MLLT10: variants seen among roughly 807,000 people sequenced by gnomAD.
MLLT10 encodes MLLT10 histone lysine methyltransferase DOT1L cofactor.
A neutral mutation model predicts 129.1 loss-of-function variants in MLLT10; 30 were observed. The ratio of observed to expected loss-of-function variants is 0.23; its 90% CI spans 0.17 to 0.32. The LOEUF (loss-of-function observed/expected upper bound fraction) is 0.32, where lower values mean the gene tolerates loss of function less well. Among genes scored for constraint, MLLT10 ranks in the 10% least tolerant of loss-of-function variants. The pLI, the probability that MLLT10 is intolerant of heterozygous loss-of-function variation, is 1.00. For synonymous variants in MLLT10, 490 were observed against 446.4 expected (o/e 1.10, Z -1.23); for missense variants, 1,119 against 1,268.3 (o/e 0.88, Z 1.79).
At chr10:21,695,241 G>A (rs1043507612) in intron 13 of MLLT10, among the ~76,000 whole-genome samples, 1 of 151,898 alleles carries the variant, frequency 6.6e-6, no homozygotes, top group Non-Finnish European at 1.5e-5. Context: ...GTTTCGCCCT[G>A]TTGGCCAGGC....
intron 13 of MLLT10, among the ~76,000 whole-genome samples, chr10:21,683,181 A>T (rs1181627561): frequency 6.6e-6 from 1 of 152,172 alleles, no homozygotes; most frequent in Non-Finnish European, 1.5e-5. Context: ...GCAGGCATAG[A>T]CACTCTTGTT....
chr10:21,738,371 C>T, intron 21 of MLLT10: 1 of 1,278,528 alleles, frequency 7.8e-7, no homozygotes, highest in Non-Finnish European at 1.0e-6. Context: ...ATTTGGGTGT[C>T]TTCCTATTAA....
intron 8 of MLLT10, among the ~76,000 whole-genome samples, chr10:21,651,251 T>C (rs1423289556): frequency 6.6e-6 from 1 of 152,084 alleles, no homozygotes; most frequent in African/African-American, 2.4e-5. Context: ...TTTGTATTTT[T>C]AGTAGAGATG....
chr10:21,742,511 C>G lies in MLLT10; in HGVS notation c.*528C>G. ...CAAATATATAGCACATCACCTGGGA[C>G]TTGGCAATCTTTGTTAAAAAAAAAT... is the stretch of plus-strand genomic sequence containing the variant. On this transcript the variant is annotated 3_prime_UTR_variant, in exon 23 of 23. Transcript: ENST00000307729. 9.3e-6 allele frequency: 2 copies of G among 214,888 alleles called. No individual in the cohort carries two copies. Among genetic ancestry groups the G allele is most frequent in the Non-Finnish European group, 1.9e-5 (2 of 106,628 alleles). 13.3% of individuals were successfully genotyped at this position (214,888 alleles called of 1,614,324 possible). A position where few individuals can be genotyped will look rare whatever the true frequency, so the allele number is the denominator to read the frequency against.
intron 10 of MLLT10, among the ~76,000 whole-genome samples, chr10:21,671,344 A>G (rs769804624): frequency 2.6e-5 from 4 of 152,152 alleles, no homozygotes; most frequent in Non-Finnish European, 5.9e-5. Flanking sequence ...TTTTATTTAT[A>G]TTTCCTAAAC....
intron 9 of MLLT10, among the ~76,000 whole-genome samples, chr10:21,653,662 TC>T (rs1290384395): frequency 1.3e-5 from 2 of 152,156 alleles, no homozygotes; most frequent in African/African-American, 4.8e-5. Context: ...TTCACAGGTT[TC>T]AGGGATTAGA....
intron 8 of MLLT10, chr10:21,625,984 G>C (rs564158852): frequency 5.5e-6 from 5 of 915,400 alleles, no homozygotes; most frequent in Admixed American, 3.4e-5. Context: ...AGTACACACT[G>C]TTTGGTGGAG....
chr10:21,681,339 C>T lies in MLLT10; in HGVS notation c.1629C>T (p.Ser543=). The change falls in exon 12 of 23, where the codon TCC becomes TCT. Residue 543 remains serine, a synonymous_variant. Coordinates refer to ENST00000307729, the MANE Select transcript of MLLT10 (RefSeq NM_001195626.3). ...TTTCCTTCCTCTCAACAGAAATTTC[C>T]ATGCAGTATCGGCATGATGGAGCTT... is the stretch of plus-strand genomic sequence containing the variant. ...VGSSPVGSEI[S]MQYRHDGACP... 3 of 1,612,354 alleles carry T rather than the reference C, an allele frequency of 1.9e-6. No homozygotes were observed. The highest frequency in any genetic ancestry group is 2.5e-6 in the Non-Finnish European group (3 of 1,179,588).
rs193050559 is a variant in MLLT10 at position 21,632,626 on chromosome 10, G to C, written c.699+15419G>C. Among the ~76,000 whole-genome samples, 40 of 152,246 alleles carry C rather than the reference G, an allele frequency of 2.6e-4. 1 individual carries two copies. In the East Asian group the frequency reaches 6.7e-3, roughly 26 times the overall value. On this transcript the variant is annotated intron_variant, in intron 8 of 22. Coordinates refer to ENST00000307729, the MANE Select transcript of MLLT10 (RefSeq NM_001195626.3). ...AATCTGGAGAGTCACAATCAATATT[G>C]AACAGTTTGTTTAAAGTTTTGTATT...
At chr10:21,688,733 G>T (rs954708196) in intron 13 of MLLT10, among the ~76,000 whole-genome samples, 4 of 152,034 alleles carry the variant, frequency 2.6e-5, no homozygotes, top group Non-Finnish European at 4.4e-5. Flanking sequence ...TAGTTATTTG[G>T]ATTTGTCATA....
intron 3 of MLLT10, among the ~76,000 whole-genome samples, chr10:21,575,148 T>C (rs1438118491): frequency 6.6e-6 from 1 of 152,166 alleles, no homozygotes; most frequent in African/African-American, 2.4e-5. Context: ...CTTTACTCTT[T>C]TATATATAGG....
chr10:21,697,736 T>C (rs1251650635), intron 13 of MLLT10, among the ~76,000 whole-genome samples: 1 of 152,204 alleles, frequency 6.6e-6, no homozygotes, highest in Non-Finnish European at 1.5e-5. Context: ...TTTTACCATT[T>C]CTGAGTAATG....
chr10:21,714,732 G>T (rs914594486), intron 14 of MLLT10, among the ~76,000 whole-genome samples: 2 of 152,142 alleles, frequency 1.3e-5, no homozygotes, highest in African/African-American at 2.4e-5. Context: ...AGGTTTTGCC[G>T]TGTTGGCCAG....
chr10:21,701,911 T>TTCTCTTCTCG (rs1554854983), intron 13 of MLLT10, among the ~76,000 whole-genome samples: 2 of 150,248 alleles, frequency 1.3e-5, no homozygotes, highest in African/African-American at 2.4e-5. Flanking sequence ...TTCTCTTCTC[T>TTCTCTTCTCG]TCTCGTCTCG....
At position 21,624,515 on chromosome 10, in the gene MLLT10, C is replaced by A. The variant is rs551854627; in HGVS notation, c.699+7308C>A. ...GCTACTTAAAGATGAAACAGTTAAA[C>A]AAAATTTTTTTTGAAGAATGTAGAT... On this transcript the variant is annotated intron_variant, in intron 8 of 22. Coordinates refer to ENST00000307729, the MANE Select transcript of MLLT10 (RefSeq NM_001195626.3). 60 of 918,482 alleles carry A rather than the reference C, an allele frequency of 6.5e-5. No homozygotes were observed. In the East Asian group the frequency reaches 1.6e-3, roughly 24 times the overall value. 56.9% of individuals were successfully genotyped at this position (918,482 alleles called of 1,614,324 possible). A position where few individuals can be genotyped will look rare whatever the true frequency, so the allele number is the denominator to read the frequency against.
intron 10 of MLLT10, 50 bp from the exon 11 acceptor site, chr10:21,673,300 G>GGGCC: frequency 1.5e-6 from 1 of 655,068 alleles, no homozygotes; most frequent in South Asian, 2.9e-5. Context: ...CAATTTTTCT[G>GGGCC]TCCCCCCCAC....
intron 8 of MLLT10, among the ~76,000 whole-genome samples, chr10:21,632,239 T>C (rs910076859): frequency 6.6e-6 from 1 of 152,230 alleles, no homozygotes; most frequent in African/African-American, 2.4e-5. Flanking sequence ...TAGAATGTTA[T>C]GGCTAACTGA....
chr10:21,650,615 G>A (rs1367696454), intron 8 of MLLT10, among the ~76,000 whole-genome samples: 1 of 151,900 alleles, frequency 6.6e-6, no homozygotes, highest in Non-Finnish European at 1.5e-5. Flanking sequence ...TCTGATTTAA[G>A]CTTCATGAGA....
At chr10:21,654,295 GATAA>G (rs1349261475) in intron 9 of MLLT10, among the ~76,000 whole-genome samples, 1 of 152,110 alleles carries the variant, frequency 6.6e-6, no homozygotes, top group Non-Finnish European at 1.5e-5. Flanking sequence ...TTAAAAATAA[GATAA>G]ATAATAGGAT....
Sources: gnomAD v4.1 joint callset for allele counts (sites outside exome capture counted in the v4.1 genomes callset) on GRCh38, gnomAD v4.1.1 for gene constraint, MANE v1.5 for transcripts, NCBI Gene and HGNC (gene_info 2026-07-23, HGNC 2026-07-21) for gene names.